The following MSI2 variants were observed in gnomAD, a reference collection of about 807,000 sequenced individuals.
The protein encoded by MSI2 is RNA-binding protein Musashi homolog 2.
In MSI2, 17 loss-of-function variants were observed where a neutral mutation model predicts 45.6. That is an observed-to-expected ratio of 0.37 (90% CI 0.26 to 0.56). The LOEUF is 0.56. Ranked by LOEUF, MSI2 falls within the 20% of genes least tolerant of loss-of-function variation. The probability of loss-of-function intolerance (pLI) is 0.77; values close to 1 mark genes in which losing one functional copy is unlikely to be tolerated. For synonymous variants in MSI2, 156 were observed against 158.2 expected (o/e 0.99, Z 0.11); for missense variants, 293 against 444.2 (o/e 0.66, Z 3.06).
intron 5 of MSI2, among the ~76,000 whole-genome samples, chr17:57,293,391 T>C (rs1910610514): frequency 6.6e-6 from 1 of 152,114 alleles, no homozygotes. Flanking sequence ...TGAGGCCTGC[T>C]CTGAACGCCT....
chr17:57,344,622 G>C (rs1915438029), intron 5 of MSI2, among the ~76,000 whole-genome samples: 1 of 152,172 alleles, frequency 6.6e-6, no homozygotes, highest in African/African-American at 2.4e-5. Context: ...CATTTCAGTG[G>C]AGAGATATAG....
Position 57,331,034 on chromosome 17 carries a change from C to T in MSI2, c.312+68842C>T, listed in dbSNP as rs536219569. Among the ~76,000 whole-genome samples, 305 of 152,204 alleles carry T rather than the reference C, an allele frequency of 2.0e-3. 1 individual carries two copies. In the Middle Eastern group the frequency reaches 0.037, roughly 19 times the overall value. On this transcript the variant is annotated intron_variant, in intron 5 of 13. Transcript: ENST00000284073. Reference sequence around the variant, plus strand: ...GTTCAAGCAATTCTCCTGCCTCAGCCTCCCGAGTAGCTGGGATTACAGGCA... The same window carrying T: ...GTTCAAGCAATTCTCCTGCCTCAGCTTCCCGAGTAGCTGGGATTACAGGCA...
chr17:57,274,680 C>T (rs1019520049), intron 5 of MSI2, among the ~76,000 whole-genome samples: 8 of 152,158 alleles, frequency 5.3e-5, no homozygotes, highest in African/African-American at 1.2e-4. Flanking sequence ...CGTGGTTGTG[C>T]GTTTATGCAT....
intron 6 of MSI2, among the ~76,000 whole-genome samples, chr17:57,475,154 G>A (rs980559786): frequency 6.6e-6 from 1 of 152,240 alleles, no homozygotes; most frequent in African/African-American, 2.4e-5. Context: ...GGCACTGTAA[G>A]GTGTGGGCAC....
chr17:57,334,522 G>A (rs939112079), intron 5 of MSI2, among the ~76,000 whole-genome samples: 6 of 152,150 alleles, frequency 3.9e-5, no homozygotes, highest in Non-Finnish European at 8.8e-5. Flanking sequence ...GGCCGGGTGC[G>A]ATGGCTCATG....
chr17:57,333,820 C>G (rs908690944), intron 5 of MSI2, among the ~76,000 whole-genome samples: 1 of 151,952 alleles, frequency 6.6e-6, no homozygotes, highest in Non-Finnish European at 1.5e-5. Flanking sequence ...GATTTGCCCT[C>G]TAGGATCTGC....
intron 6 of MSI2, among the ~76,000 whole-genome samples, chr17:57,497,822 A>G (rs1439055105): frequency 1.3e-5 from 2 of 152,200 alleles, no homozygotes; most frequent in Non-Finnish European, 2.9e-5. Flanking sequence ...GGACAAGCTG[A>G]TGACAGCGTC....
At chr17:57,296,523 C>T (rs182251855) in intron 5 of MSI2, among the ~76,000 whole-genome samples, 4 of 151,834 alleles carry the variant, frequency 2.6e-5, no homozygotes, top group Admixed American at 6.6e-5. Context: ...CTTTCTTTGA[C>T]GATAGGGAGA....
chr17:57,326,579 G>A (rs766630704), intron 5 of MSI2, among the ~76,000 whole-genome samples: 2 of 152,206 alleles, frequency 1.3e-5, no homozygotes, highest in Non-Finnish European at 2.9e-5. Flanking sequence ...CTGGCACTGT[G>A]AGAGTAAATA....
chr17:57,615,587 A>G (rs1204523554), intron 8 of MSI2, among the ~76,000 whole-genome samples: 2 of 152,206 alleles, frequency 1.3e-5, no homozygotes, highest in African/African-American at 4.8e-5. Context: ...TAAAGGGCTG[A>G]AAAATCCTGA....
At chr17:57,305,453 T>A (rs1911799701) in intron 5 of MSI2, among the ~76,000 whole-genome samples, 1 of 152,188 alleles carries the variant, frequency 6.6e-6, no homozygotes, top group Non-Finnish European at 1.5e-5. Context: ...TAAATTAATC[T>A]TCTGGGAAAA....
At chr17:57,602,251 T>C (rs1412891106) in intron 8 of MSI2, among the ~76,000 whole-genome samples, 1 of 152,194 alleles carries the variant, frequency 6.6e-6, no homozygotes, top group African/African-American at 2.4e-5. Context: ...TCTTTAGTGT[T>C]AGTGTATTTT....
At chr17:57,658,701 G>T (rs1567964138) in intron 11 of MSI2, among the ~76,000 whole-genome samples, 2 of 152,242 alleles carry the variant, frequency 1.3e-5, no homozygotes, top group Non-Finnish European at 2.9e-5. Context: ...TGGAGTGGGG[G>T]AATGTTAATG....
intron 7 of MSI2, among the ~76,000 whole-genome samples, chr17:57,563,024 G>A (rs1598402907): frequency 6.6e-6 from 1 of 150,686 alleles, no homozygotes; most frequent in East Asian, 2.0e-4. Context: ...CTTGAATCCA[G>A]GAGGTGGAGA....
At chr17:57,416,625 G>A (rs893474762) in intron 6 of MSI2, among the ~76,000 whole-genome samples, 1 of 152,190 alleles carries the variant, frequency 6.6e-6, no homozygotes, top group Middle Eastern at 3.2e-3. Context: ...CCCTCAAAGA[G>A]CGTCTCAGTT....
downstream of MSI2, among the ~76,000 whole-genome samples, chr17:57,688,088 T>C (rs1264505703): frequency 1.3e-5 from 2 of 152,098 alleles, no homozygotes; most frequent in Non-Finnish European, 2.9e-5. Flanking sequence ...CAAACCAACA[T>C]TAATTATTCT....
At chr17:57,502,602 G>GATAGAGATAT (rs1190802566) in intron 6 of MSI2, among the ~76,000 whole-genome samples, 1 of 54,418 alleles carries the variant, frequency 1.8e-5, no homozygotes, top group East Asian at 8.5e-4. Context: ...ATGACTCTGA[G>GATAGAGATAT]ATATATATAT....
intron 5 of MSI2, among the ~76,000 whole-genome samples, chr17:57,380,516 G>A (rs1306163553): frequency 6.6e-6 from 1 of 152,220 alleles, no homozygotes; most frequent in Non-Finnish European, 1.5e-5. Flanking sequence ...AACAGGGAGA[G>A]TGAAGCGGGG....
chr17:57,399,047 T>G (rs761195519), intron 5 of MSI2, among the ~76,000 whole-genome samples: 3 of 152,196 alleles, frequency 2.0e-5, no homozygotes, highest in Non-Finnish European at 4.4e-5. Flanking sequence ...AGGGACAGAT[T>G]TAAATCTGGA....
Sources: allele counts gnomAD v4.1 joint callset (sites outside exome capture counted in the v4.1 genomes callset), GRCh38; gene constraint gnomAD v4.1.1; transcripts MANE v1.5; gene names NCBI Gene and HGNC (gene_info 2026-07-23, HGNC 2026-07-21).